The following SRPK2 variants were observed in gnomAD, a reference collection of about 807,000 sequenced individuals.
SRPK2 encodes the protein SFRS protein kinase 2.
A neutral mutation model predicts 90.8 loss-of-function variants in SRPK2; 21 were observed. The ratio of observed to expected loss-of-function variants is 0.23; its 90% CI spans 0.16 to 0.33. The LOEUF is 0.33. Among genes scored for constraint, SRPK2 ranks in the 10% least tolerant of loss-of-function variants. The pLI is 1.00. For synonymous variants in SRPK2, 288 were observed against 311.1 expected, an observed-to-expected ratio of 0.93 and a Z score of 0.78; for missense variants, 620 against 869.0, an observed-to-expected ratio of 0.71 and a Z score of 3.60.
intron 2 of SRPK2, among the ~76,000 whole-genome samples, chr7:105,367,037 T>C (rs1819147293): frequency 6.6e-6 from 1 of 151,894 alleles, no homozygotes; most frequent in Non-Finnish European, 1.5e-5. Flanking sequence ...GAAATATATG[T>C]AAGAAAAATA....
chr7:105,200,895 C>T (rs1454166154), intron 3 of SRPK2, among the ~76,000 whole-genome samples: 1 of 152,198 alleles, frequency 6.6e-6, no homozygotes, highest in Non-Finnish European at 1.5e-5. Flanking sequence ...ATGGACAACA[C>T]TGGGCAACTG....
intron 2 of SRPK2, among the ~76,000 whole-genome samples, chr7:105,226,746 C>T (rs1174331423): frequency 3.7e-5 from 2 of 53,734 alleles, no homozygotes; most frequent in South Asian, 4.2e-4. Context: ...TGGCTCATAC[C>T]TGTAATCCTG....
chr7:105,162,641 G>A (rs1029475130), intron 6 of SRPK2, among the ~76,000 whole-genome samples: 7 of 152,058 alleles, frequency 4.6e-5, no homozygotes, highest in Non-Finnish European at 1.5e-5. Flanking sequence ...AGATTTATGC[G>A]CAGATAATCT....
At chr7:105,163,080 C>T (rs536342040) in intron 6 of SRPK2, among the ~76,000 whole-genome samples, 2 of 152,284 alleles carry the variant, frequency 1.3e-5, no homozygotes, top group African/African-American at 4.8e-5. Flanking sequence ...TCCTAGTATA[C>T]TCAAGATGAA....
chr7:105,291,601 AC>A (rs1045303029), intron 2 of SRPK2, among the ~76,000 whole-genome samples: 2 of 152,020 alleles, frequency 1.3e-5, no homozygotes, highest in African/African-American at 4.8e-5. Context: ...ATGGTGGCGC[AC>A]GCCTATAGTC....
At chr7:105,347,373 T>G (rs1816589383) in intron 2 of SRPK2, among the ~76,000 whole-genome samples, 1 of 151,848 alleles carries the variant, frequency 6.6e-6, no homozygotes. Context: ...TCTTTAATTT[T>G]TGTAGAGACA....
upstream of SRPK2, among the ~76,000 whole-genome samples, chr7:105,392,583 A>G (rs538652811): frequency 1.3e-5 from 2 of 150,610 alleles, no homozygotes; most frequent in East Asian, 2.0e-4. Flanking sequence ...GTGTGATCTC[A>G]GCTCACTGTA....
intron 2 of SRPK2, among the ~76,000 whole-genome samples, chr7:105,262,074 A>G (rs1455665287): frequency 6.6e-6 from 1 of 152,178 alleles, no homozygotes; most frequent in Admixed American, 6.5e-5. Context: ...GGAATGACCT[A>G]CCTGATCAGA....
At chr7:105,224,962 T>C (rs1798536773) in intron 2 of SRPK2, among the ~76,000 whole-genome samples, 2 of 152,188 alleles carry the variant, frequency 1.3e-5, no homozygotes, top group Admixed American at 1.3e-4. Flanking sequence ...AATCGAAAAC[T>C]TCCCTTTCCT....
At chr7:105,150,255 T>A (rs1381184392) in intron 7 of SRPK2, among the ~76,000 whole-genome samples, 3 of 152,252 alleles carry the variant, frequency 2.0e-5, no homozygotes, top group Non-Finnish European at 2.9e-5. Context: ...GGCTCAGCCT[T>A]GCCTTGTAAT....
chr7:105,185,108 A>G lies in SRPK2; in HGVS notation c.230-15843T>C, dbSNP rs2299307. On this transcript the variant is annotated intron_variant, in intron 3 of 15. Coordinates refer to ENST00000393651, the MANE Select transcript of SRPK2 (RefSeq NM_182692.3). ...ATTTCTCGGTTCTTAATTATGTTTCAGATAAATAAATGTATAATATATTGA... is the reference window on the plus strand; with the variant it reads ...ATTTCTCGGTTCTTAATTATGTTTCGGATAAATAAATGTATAATATATTGA... Among the ~76,000 whole-genome samples, 467 of 152,226 alleles carry G rather than the reference A, an allele frequency of 3.1e-3. 14 individuals are homozygous for G. In the East Asian group the frequency reaches 0.062, roughly 20 times the overall value.
At chr7:105,145,364 T>C (rs1804447634) in intron 8 of SRPK2, 56 bp from the exon 9 acceptor site, 8 of 1,346,018 alleles carry the variant, frequency 5.9e-6, no homozygotes, top group East Asian at 4.7e-5. Context: ...CATGCCTTCA[T>C]GTAGGTCATT....
At chr7:105,376,845 CCCCT>C (rs1356968869) in intron 2 of SRPK2, among the ~76,000 whole-genome samples, 1 of 103,618 alleles carries the variant, frequency 9.7e-6, no homozygotes. Flanking sequence ...CCCCCCCACC[CCCCT>C]TTTTTTTTTA....
In SRPK2 at chr7:105,361,975, C is replaced by T. The variant is rs757569060; in HGVS notation, c.71+26673G>A. On this transcript the variant is annotated intron_variant, in intron 2 of 15. Coordinates refer to ENST00000393651, the MANE Select transcript of SRPK2 (RefSeq NM_182692.3). Reference sequence around the variant, plus strand: ...TGGCAACAAAAGCCAAATTGAAAAACAGGATCTAATTAAACTAAAGAGCTT... The same window carrying T: ...TGGCAACAAAAGCCAAATTGAAAAATAGGATCTAATTAAACTAAAGAGCTT... Among the ~76,000 whole-genome samples the T allele has an allele frequency of 4.6e-5, 7 of 151,804 alleles. 1 individual carries two copies. The highest frequency in any genetic ancestry group is 2.0e-4 in the Admixed American group (3 of 15,212).
At chr7:105,148,217 A>T (rs1186957962) in intron 7 of SRPK2, among the ~76,000 whole-genome samples, 1 of 152,188 alleles carries the variant, frequency 6.6e-6, no homozygotes, top group Non-Finnish European at 1.5e-5. Context: ...ATCTTGTTGT[A>T]GTTTTGATCT....
At chr7:105,342,725 C>T (rs1377072130) in intron 2 of SRPK2, among the ~76,000 whole-genome samples, 2 of 152,186 alleles carry the variant, frequency 1.3e-5, no homozygotes, top group Non-Finnish European at 2.9e-5. Context: ...AAGTTACATG[C>T]TCTCCCTAAC....
intron 2 of SRPK2, among the ~76,000 whole-genome samples, chr7:105,369,750 G>A (rs1030832284): frequency 5.9e-5 from 9 of 152,096 alleles, no homozygotes; most frequent in Middle Eastern, 3.2e-3. Flanking sequence ...ACTGAAGGCC[G>A]GGCACAGTGG....
At chr7:105,386,548 T>A (rs1821632807) in intron 2 of SRPK2, among the ~76,000 whole-genome samples, 1 of 151,536 alleles carries the variant, frequency 6.6e-6, no homozygotes, top group Admixed American at 6.6e-5. Flanking sequence ...ACCCCGTCTC[T>A]ACTAAAAAAT....
intron 3 of SRPK2, 99 bp downstream of exon 3, chr7:105,203,529 T>C: frequency 1.5e-6 from 2 of 1,325,562 alleles, no homozygotes; most frequent in Non-Finnish European, 9.9e-7. Flanking sequence ...GACCAAGCAA[T>C]TTGCATCACT....
Sources: gnomAD v4.1 joint callset for allele counts (sites outside exome capture counted in the v4.1 genomes callset) on GRCh38, gnomAD v4.1.1 for gene constraint, MANE v1.5 for transcripts, NCBI Gene and HGNC (gene_info 2026-07-23, HGNC 2026-07-21) for gene names.